DHX38: variants seen among roughly 807,000 people sequenced by gnomAD.
The protein encoded by DHX38 is pre-mRNA-splicing factor ATP-dependent RNA helicase PRP16.
A neutral mutation model predicts 153.1 loss-of-function variants in DHX38; 100 were observed. The observed-to-expected ratio is 0.65, with a 90% confidence interval of 0.56 to 0.77. The LOEUF is 0.77. Among genes scored for constraint, DHX38 ranks in the 30% least tolerant of loss-of-function variants. The pLI, the probability that DHX38 is intolerant of heterozygous loss-of-function variation, is 0.00. For synonymous variants in DHX38, 650 were observed against 631.7 expected (o/e 1.03, Z -0.43); for missense variants, 1,440 against 1,654.0 (o/e 0.87, Z 2.24).
Position 72,104,869 on chromosome 16 carries a change from C to T in DHX38, c.2152-158C>T, listed in dbSNP as rs1475903246. Among the ~76,000 whole-genome samples the T allele has an allele frequency of 1.3e-5, 2 of 152,194 alleles. No individual in the cohort carries two copies. Among genetic ancestry groups the T allele is most frequent in the East Asian group, 3.9e-4 (2 of 5,180 alleles). The stretch of plus-strand genomic sequence containing the variant: ...AGGGCCCAGGGAGGCACTGTGCCCT[C>T]TTGTAGAGGCCTCGCAGTCAGGCCC... On this transcript the variant is annotated intron_variant, in intron 15 of 26. Transcript: ENST00000268482. The surrounding 1 kb of genome is among the most constrained non-coding windows in gnomAD (Gnocchi z 4.5).
chr16:72,098,728 T>G lies in DHX38; in HGVS notation c.700T>G (p.Ser234Ala). ...SSRRSQWESP[S>A]PTPSYRDSER... is the part of the protein sequence containing the mutation. ...AAGGCGCTCACAGTGGGAATCGCCC[T>G]CCCCGACGCCTTCCTATCGGGATTC... The change falls in exon 5 of 27, where the codon TCC (serine) becomes GCC (alanine). Residue 234 changes from serine to alanine, a missense_variant. Coordinates refer to ENST00000268482, the MANE Select transcript of DHX38 (RefSeq NM_014003.4). The G allele has an allele frequency of 6.2e-7, 1 of 1,614,100 alleles. No individual in the cohort carries two copies. The highest frequency in any genetic ancestry group is 8.5e-7 in the Non-Finnish European group (1 of 1,180,010).
chr16:72,104,026 A>G lies in DHX38; in HGVS notation c.1905A>G (p.Arg635=). The change falls in exon 14 of 27, where the codon CGA becomes CGG. Residue 635 remains arginine, a synonymous_variant. Transcript: ENST00000268482. This position sits in a 1 kb window ranked among gnomAD's most constrained non-coding sequence, Gnocchi z 4.5. ...IKYMTDGILL[R]ESLREADLDH... ...ACATGACTGACGGGATCCTGCTCCG[A>G]GAGTCCCTCCGGGAAGCCGACCTGG... 8 of 1,614,162 alleles carry G rather than the reference A, an allele frequency of 5.0e-6. No homozygotes were observed. The highest frequency in any genetic ancestry group is 5.9e-6 in the Non-Finnish European group (7 of 1,180,038).
In DHX38 at chr16:72,108,580, C is replaced by T. The variant is rs752168059; in HGVS notation, c.3228C>T (p.Ala1076=). The T allele has an allele frequency of 1.9e-6, 3 of 1,613,958 alleles. No homozygotes were observed. Residue 1076 remains alanine, a synonymous_variant, in exon 23 of 27, where the codon GCC becomes GCT. Coordinates refer to ENST00000268482, the MANE Select transcript of DHX38 (RefSeq NM_014003.4). ...WDIVRKCICA[A]YFHQAAKLKG... ...TCGTCAGGAAGTGCATCTGTGCTGC[C>T]TATTTCCACCAAGCAGCCAAGCTCA...
In DHX38 at chr16:72,104,939, A is replaced by G; in HGVS notation, c.2152-88A>G. The G allele has an allele frequency of 7.7e-7, 1 of 1,305,514 alleles. No individual in the cohort carries two copies. The highest frequency in any genetic ancestry group is 1.1e-6 in the Non-Finnish European group (1 of 941,066). 80.9% of individuals were successfully genotyped at this position (1,305,514 alleles called of 1,614,324 possible). ...CTCAAAGTCCATGGCTCCATTCCAGAGCAGTGCCTGGGCCACTGGGCTCCC... is the reference window on the plus strand; with the variant it reads ...CTCAAAGTCCATGGCTCCATTCCAGGGCAGTGCCTGGGCCACTGGGCTCCC... On this transcript the variant is annotated intron_variant, in intron 15 of 26. Transcript: ENST00000268482. This position sits in a 1 kb window ranked among gnomAD's most constrained non-coding sequence, Gnocchi z 4.5.
rs1444417101 is a variant in DHX38, at chr16:72,096,924, T to C, written c.426T>C (p.His142=). ...AGAGAGAGCGGGAGCGGCGGGAACATGGTGTCTATGCCTCGTCCAAAGAAG... is the reference window on the plus strand; with the variant it reads ...AGAGAGAGCGGGAGCGGCGGGAACACGGTGTCTATGCCTCGTCCAAAGAAG... ...SRQRERERRE[H]GVYASSKEEK... Residue 142 remains histidine (H), a synonymous_variant, in exon 3 of 27, where the codon CAT becomes CAC. Transcript: ENST00000268482. The C allele has an allele frequency of 1.9e-6, 3 of 1,613,906 alleles. No homozygotes were observed. The highest frequency in any genetic ancestry group is 2.7e-5 in the African/African-American group (2 of 74,910).
intron 25 of DHX38, among the ~76,000 whole-genome samples, chr16:72,109,978 C>A (rs779864704): frequency 6.6e-6 from 1 of 152,158 alleles, no homozygotes; most frequent in Non-Finnish European, 1.5e-5. Flanking sequence ...CGTTATCACT[C>A]ATAAAAAAAT....
chr16:72,099,635 A>G, intron 7 of DHX38, 97 bp from the exon 8 acceptor site: 1 of 1,501,606 alleles, frequency 6.7e-7, no homozygotes, highest in Non-Finnish European at 9.0e-7. Context: ...CCACTGCAGT[A>G]GTGACTTCCT....
intron 7 of DHX38, 112 bp from the exon 8 acceptor site, chr16:72,099,620 T>C: frequency 7.0e-7 from 1 of 1,424,658 alleles, no homozygotes; most frequent in Non-Finnish European, 9.6e-7. Flanking sequence ...CTCACAAGGG[T>C]AGCTCCACTG....
At chr16:72,101,967 G>C (rs1485053829) in intron 11 of DHX38, among the ~76,000 whole-genome samples, 1 of 152,214 alleles carries the variant, frequency 6.6e-6, no homozygotes, top group East Asian at 1.9e-4. Context: ...TACCTCCCAG[G>C]TGTTCAGCAT....
rs775111111 is a variant in DHX38 at position 72,104,532 on chromosome 16, C to T, written c.2057C>T (p.Thr686Met). The change falls in exon 15 of 27, where the codon ACG becomes ATG. Residue 686 changes from threonine to methionine, a missense_variant. Thr to Met is a moderately conservative substitution (Grantham distance 81, BLOSUM62 -1). This residue lies in a region of DHX38 where 543 missense variants were observed against 717.9 expected (regional missense o/e 0.76). Transcript: ENST00000268482. The surrounding 1 kb of genome is among the most constrained non-coding windows in gnomAD (Gnocchi z 4.5). ...CTGAAGCTCATCGTCACATCAGCCA[C>T]GATGGATGCGGAGAAGTTTGCTGCC... ...SDLKLIVTSA[T>M]MDAEKFAAFF... The T allele has an allele frequency of 4.3e-6, 7 of 1,614,014 alleles. No homozygotes were observed. The highest frequency in any genetic ancestry group is 2.2e-5 in the East Asian group (1 of 44,886).
intron 9 of DHX38, among the ~76,000 whole-genome samples, chr16:72,100,885 C>T (rs868207346): frequency 2.0e-5 from 3 of 152,172 alleles, no homozygotes; most frequent in Non-Finnish European, 2.9e-5. Context: ...AGAGATCACA[C>T]CACTGCACTC....
chr16:72,100,939 G>T, intron 9 of DHX38, 147 bp from the exon 10 acceptor site: 1 of 816,204 alleles, frequency 1.2e-6, no homozygotes, highest in East Asian at 2.5e-5. Flanking sequence ...ACACAAAAAA[G>T]GCCTGATGTG....
Position 72,103,055 on chromosome 16 carries a change from G to GGCT in DHX38, c.1500-14_1500-12dup, listed in dbSNP as rs778668300. ...CATGGGGCACCATGCAGGGTGTTTA[G>GGCT]GCTGCTGTGTGTTCCTAGGACAGAG... On this transcript the variant is annotated intron_variant, in intron 11 of 26. Transcript: ENST00000268482. 6.2e-7 allele frequency: 1 copy of GGCT among 1,613,692 alleles called. No homozygotes were observed. The highest frequency in any genetic ancestry group is 1.1e-5 in the South Asian group (1 of 91,030).
rs1426242942 is a variant in DHX38, at chr16:72,096,313, C to T, written c.156C>T (p.Asp52=). ...CCCGCCCTTCATTACTCGGACTGGA[C>T]TTGCTGGCTTCCCTGAAACGGAGAG... ...PAPRPSLLGL[D]LLASLKRRER... is the part of the protein sequence containing the mutation. Residue 52 remains aspartate (D), a synonymous_variant, in exon 2 of 27, where the codon GAC becomes GAT. Coordinates refer to ENST00000268482, the MANE Select transcript of DHX38 (RefSeq NM_014003.4). The T allele has an allele frequency of 6.2e-7, 1 of 1,614,200 alleles. No individual in the cohort carries two copies. Among genetic ancestry groups the T allele is most frequent in the South Asian group, 1.1e-5 (1 of 91,084 alleles).
At chr16:72,100,680 C>T (rs1016613052) in intron 9 of DHX38, 83 bp downstream of exon 9, 73 of 1,554,056 alleles carry the variant, frequency 4.7e-5, no homozygotes, top group Middle Eastern at 2.3e-4. Context: ...CCTGTCATCC[C>T]GGCACTTTGG....
intron 4 of DHX38, among the ~76,000 whole-genome samples, chr16:72,098,061 C>A: frequency 6.6e-6 from 1 of 152,142 alleles, no homozygotes; most frequent in Non-Finnish European, 1.5e-5. Flanking sequence ...TTAAAAAGAA[C>A]TACTTATATC....
At chr16:72,097,511 C>T in intron 3 of DHX38, 166 bp from the exon 4 acceptor site, 2 of 591,870 alleles carry the variant, frequency 3.4e-6, no homozygotes, top group Non-Finnish European at 5.9e-6. Flanking sequence ...CTATTTTTCC[C>T]CCTTGGGAGA....
Position 72,104,391 on chromosome 16 carries a change from T to G in DHX38, c.2011-95T>G, listed in dbSNP as rs1342381067. ...ATTGAATAGGCCCATTTGTCAGCTT[T>G]GGCTTGTGTTTCCTCGGGGGTGGTG... On this transcript the variant is annotated intron_variant, in intron 14 of 26. Transcript: ENST00000268482. This position sits in a 1 kb window ranked among gnomAD's most constrained non-coding sequence, Gnocchi z 4.5. 22 of 1,528,784 alleles carry G rather than the reference T, an allele frequency of 1.4e-5. No homozygotes were observed. The highest frequency in any genetic ancestry group is 1.9e-5 in the Non-Finnish European group (22 of 1,132,332). The allele number at this position is 1,528,784 out of a possible 1,614,324, so 94.7% of individuals were successfully genotyped here.
chr16:72,108,267 C>T lies in DHX38; in HGVS notation c.3005C>T (p.Ala1002Val). Reference sequence around the variant, plus strand: ...AGTGATCAAATCCGGGAGAAGTTCGCTGTTCCTGAGAGCGATCATTTGACC... The same window carrying T: ...AGTGATCAAATCCGGGAGAAGTTCGTTGTTCCTGAGAGCGATCATTTGACC... ...EESDQIREKF[A>V]VPESDHLTYL... The change falls in exon 22 of 27, where the codon GCT becomes GTT. Residue 1002 changes from alanine (A) to valine (V), a missense_variant. Around this residue, in one of 6 missense-constraint regions of DHX38, gnomAD observed 543 missense variants for 717.9 expected, o/e 0.76. Coordinates refer to ENST00000268482, the MANE Select transcript of DHX38 (RefSeq NM_014003.4). 1 of 1,614,078 alleles carries T rather than the reference C, an allele frequency of 6.2e-7. No homozygotes were observed. Among genetic ancestry groups the T allele is most frequent in the East Asian group, 2.2e-5 (1 of 44,880 alleles).
Sources: gnomAD v4.1 joint callset for allele counts (sites outside exome capture counted in the v4.1 genomes callset) on GRCh38, gnomAD v4.1.1 for gene constraint, gnomAD v4.1.1 regional missense constraint, Gnocchi (gnomAD v3.1) non-coding constraint, MANE v1.5 for transcripts, NCBI Gene and HGNC (gene_info 2026-07-23, HGNC 2026-07-21) for gene names.